The following VAT1 variants were observed in gnomAD, a reference collection of about 807,000 sequenced individuals.
VAT1 encodes the protein vesicle amine transport 1.
In VAT1, 24 loss-of-function variants were observed where a neutral mutation model predicts 33.3. The ratio of observed to expected loss-of-function variants is 0.72; its 90% confidence interval spans 0.52 to 1.01. VAT1 has a LOEUF of 1.01. Ranked by LOEUF, VAT1 falls within the 50% of genes least tolerant of loss-of-function variation. The pLI is 0.00. For missense variants in VAT1, 436 were observed against 533.7 expected (o/e 0.82, Z 1.80); for synonymous variants, 212 against 225.0 (o/e 0.94, Z 0.52).
In VAT1 at chr17:43,015,988, G is replaced by A; in HGVS notation, c.*73C>T. On this transcript the variant is annotated 3_prime_UTR_variant, in exon 6 of 6. Transcript: ENST00000355653. ...CATTATGACAGAGGCTGAAATGCAA[G>A]TCTGGTGGCCAACAGAACGTAGCTT... 2 of 1,539,748 alleles carry A rather than the reference G, an allele frequency of 1.3e-6. No homozygotes were observed. The highest frequency in any genetic ancestry group is 1.8e-6 in the Non-Finnish European group (2 of 1,117,566).
intron 1 of VAT1, 131 bp downstream of exon 1, chr17:43,021,805 C>A (rs942434022): frequency 6.9e-7 from 1 of 1,453,388 alleles, no homozygotes; most frequent in African/African-American, 1.4e-5. Flanking sequence ...TCCTTGGCTA[C>A]GCTTTCCACG....
Position 43,018,100 on chromosome 17 carries a change from GA to G in VAT1, c.701del (p.Val234AlafsTer43). 1 of 1,614,086 alleles carries G rather than the reference GA, an allele frequency of 6.2e-7. No individual in the cohort carries two copies. Among genetic ancestry groups the G allele is most frequent in the Non-Finnish European group, 8.5e-7 (1 of 1,180,032 alleles). On this transcript the variant is annotated frameshift_variant, in exon 3 of 6. Coordinates refer to ENST00000355653, the MANE Select transcript of VAT1 (RefSeq NM_006373.4). LOFTEE classifies it high-confidence loss of function. ...TCGTGTGATAGTCGATGGGATGTGTGACCCCATTCTCCTTCAGTGCCTCGTG... is the reference window on the plus strand; with the variant it reads ...TCGTGTGATAGTCGATGGGATGTGTGCCCCATTCTCCTTCAGTGCCTCGTG... The part of the protein sequence containing the change: ...SKHEALKENG[V>X]THPIDYHTTD...
intron 1 of VAT1, among the ~76,000 whole-genome samples, chr17:43,021,232 G>A (rs1054672305): frequency 1.4e-4 from 21 of 152,236 alleles, no homozygotes; most frequent in African/African-American, 4.6e-4. Flanking sequence ...AGTCACAGGA[G>A]GAGGAGATAC....
In VAT1 at chr17:43,018,724, A is replaced by C; in HGVS notation, c.463T>G (p.Phe155Val). ...AAGGTCATGGCCTCAGGAATCAGGA[A>C]GGTCTGGACCGAGGGCACAGTCACC... ...EEVTVPSVQT[F>V]LIPEAMTFEE... Residue 155 changes from phenylalanine (F) to valine (V), a missense_variant, in exon 2 of 6, where the codon TTC becomes GTC. Phe to Val is a conservative substitution (Grantham distance 50, BLOSUM62 -1). This residue lies in a region of VAT1 where 282 missense variants were observed against 405.4 expected (regional missense o/e 0.70). Coordinates refer to ENST00000355653, the MANE Select transcript of VAT1 (RefSeq NM_006373.4). The C allele has an allele frequency of 6.2e-7, 1 of 1,614,126 alleles. No individual in the cohort carries two copies.
chr17:43,016,636 T>C, intron 4 of VAT1, 88 bp from the exon 5 acceptor site: 1 of 1,539,996 alleles, frequency 6.5e-7, no homozygotes, highest in South Asian at 1.2e-5. Context: ...TGTGATCCCC[T>C]TGCAATTCTC....
intron 1 of VAT1, among the ~76,000 whole-genome samples, chr17:43,019,889 TG>T (rs2050552312): frequency 6.6e-6 from 1 of 152,066 alleles, no homozygotes; most frequent in Non-Finnish European, 1.5e-5. Flanking sequence ...GGAAGGGGGA[TG>T]GGACTGCCAC....
Position 43,018,033 on chromosome 17 carries a change from C to T in VAT1, c.766+3G>A, listed in dbSNP as rs758537390. The T allele has an allele frequency of 8.5e-5, 137 of 1,613,134 alleles. No homozygotes were observed. The highest frequency in any genetic ancestry group is 5.9e-5 in the Non-Finnish European group (70 of 1,179,260). ...CTACCCCCTCCCATATTATGCCCCC[C>T]ACCTTTAGGGGAAATCTTCTTGATC... On this transcript the variant is annotated splice_donor_region_variant and intron_variant, in intron 3 of 5. Transcript: ENST00000355653.
At chr17:43,021,896 G>T (rs780318882) in intron 1 of VAT1, 40 bp downstream of exon 1, 1 of 1,606,060 alleles carries the variant, frequency 6.2e-7, no homozygotes, top group Non-Finnish European at 8.5e-7. Flanking sequence ...ACTGCCCAGT[G>T]GCCTGCGCAG....
rs2050542173 is a variant in VAT1 at position 43,018,770 on chromosome 17, C to T, written c.417G>A (p.Arg139=). Residue 139 remains arginine (R), a synonymous_variant, in exon 2 of 6, where the codon CGG becomes CGA. Coordinates refer to ENST00000355653, the MANE Select transcript of VAT1 (RefSeq NM_006373.4). The part of the protein sequence containing the change: ...KAGDRVMVLN[R]SGMWQEEVTV... ...TCACCTCTTCCTGCCACATCCCTGA[C>T]CGGTTCAACACCATCACCCGGTCTC... 5 of 1,614,030 alleles carry T rather than the reference C, an allele frequency of 3.1e-6. No individual in the cohort carries two copies. Among genetic ancestry groups the T allele is most frequent in the Admixed American group, 3.3e-5 (2 of 59,998 alleles).
rs1373318418 is a variant in VAT1 at position 43,018,637 on chromosome 17, C to T, written c.550G>A (p.Gly184Ser). 5 of 1,613,978 alleles carry T rather than the reference C, an allele frequency of 3.1e-6. No individual in the cohort carries two copies. The highest frequency in any genetic ancestry group is 2.2e-5 in the East Asian group (1 of 44,870). Residue 184 changes from glycine (G) to serine (S), a missense_variant, in exon 2 of 6, where the codon GGC becomes AGC. This residue lies in a region of VAT1 where 282 missense variants were observed against 405.4 expected (regional missense o/e 0.70). Transcript: ENST00000355653. ...ITAYMVLFDF[G>S]NLQPGHSVLV... is the part of the protein sequence containing the mutation. The stretch of plus-strand genomic sequence containing the variant: ...ACGCTGTGGCCAGGCTGTAGGTTGC[C>T]GAAGTCAAAGAGGACCATGTAGGCT...
chr17:43,018,447 G>T, intron 2 of VAT1, 145 bp downstream of exon 2: 1 of 1,022,168 alleles, frequency 9.8e-7, no homozygotes, highest in Non-Finnish European at 1.4e-6. Flanking sequence ...ATGTTACCAC[G>T]GCAACTACAC....
In VAT1 at chr17:43,016,097, C is replaced by T. The variant is rs773845836; in HGVS notation, c.1146G>A (p.Lys382=). 1.9e-6 allele frequency: 3 copies of T among 1,614,064 alleles called. No homozygotes were observed. Among genetic ancestry groups the T allele is most frequent in the Non-Finnish European group, 2.5e-6 (3 of 1,180,032 alleles). Residue 382 remains lysine (K), a synonymous_variant, in exon 6 of 6, where the codon AAG becomes AAA. Transcript: ENST00000355653. ...TCTCTGGCCCTGGAACCAGGAGGAC[C>T]TTGCCCACATTCTTCTTCTCCTGCA... ...KQMQEKKNVG[K]VLLVPGPEKE...
chr17:43,019,078 A>ATCT (rs1171086484), intron 1 of VAT1: 29 of 469,530 alleles, frequency 6.2e-5, no homozygotes, highest in East Asian at 4.3e-4. Flanking sequence ...TATCCTTATC[A>ATCT]TCTTCTTACA....
At chr17:43,017,582 CAAAAAAAAAAAA>C (rs55979457) in intron 4 of VAT1, among the ~76,000 whole-genome samples, 1 of 66,464 alleles carries the variant, frequency 1.5e-5, no homozygotes, top group East Asian at 4.2e-4. Flanking sequence ...AACTCCATCT[CAAAAAAAAAAAA>C]AAAAAAAAAA....
chr17:43,022,234 T>G lies in VAT1; in HGVS notation c.89A>C (p.Gln30Pro). Residue 30 changes from glutamine to proline, a missense_variant, in exon 1 of 6, where the codon CAG (glutamine) becomes CCG (proline). This residue lies in a region of VAT1 where 154 missense variants were observed against 128.3 expected (regional missense o/e 1.20). Coordinates refer to ENST00000355653, the MANE Select transcript of VAT1 (RefSeq NM_006373.4). ...GGCCCCTTCGGAGGCCGCGGGATGCTGGGGGTCGCTCGCTGCCTCGGTTTT... is the reference window on the plus strand; with the variant it reads ...GGCCCCTTCGGAGGCCGCGGGATGCGGGGGGTCGCTCGCTGCCTCGGTTTT... ...PPKTEAASDP[Q>P]HPAASEGAAA... 1 of 1,575,354 alleles carries G rather than the reference T, an allele frequency of 6.3e-7. No homozygotes were observed. Among genetic ancestry groups the G allele is most frequent in the Non-Finnish European group, 8.6e-7 (1 of 1,161,004 alleles).
At chr17:43,018,252 CA>C (rs1240787386) in intron 2 of VAT1, 46 bp from the exon 3 acceptor site, 38 of 1,575,646 alleles carry the variant, frequency 2.4e-5, no homozygotes, top group African/African-American at 4.0e-5. Context: ...TTGCCCTGGC[CA>C]CCAACCACTC....
chr17:43,019,229 G>A (rs1325109231), intron 1 of VAT1, among the ~76,000 whole-genome samples: 1 of 152,048 alleles, frequency 6.6e-6, no homozygotes, highest in Non-Finnish European at 1.5e-5. Flanking sequence ...GACTTCGGAT[G>A]CATAAAAATT....
rs1052488545 is a variant in VAT1 at position 43,015,519 on chromosome 17, A to G, written c.*542T>C. The G allele has an allele frequency of 5.7e-5, 9 of 157,518 alleles. No homozygotes were observed. Among genetic ancestry groups the G allele is most frequent in the Non-Finnish European group, 8.4e-5 (6 of 71,032 alleles). The allele number at this position is 157,518 out of a possible 1,614,324, so 9.8% of individuals were successfully genotyped here. ...AAAACCTGGAGATGGAAGAAGCCCA[A>G]TTGTGCTTAAGAAGTTGGGGACAGA... On this transcript the variant is annotated 3_prime_UTR_variant, in exon 6 of 6. Transcript: ENST00000355653.
In VAT1 at chr17:43,017,899, C is replaced by A; in HGVS notation, c.798G>T (p.Gly266=). 1 of 1,614,190 alleles carries A rather than the reference C, an allele frequency of 6.2e-7. No homozygotes were observed. Among genetic ancestry groups the A allele is most frequent in the Non-Finnish European group, 8.5e-7 (1 of 1,180,036 alleles). The part of the protein sequence containing the change: ...GVDIVMDPLG[G]SDTAKGYNLL... ...GGTTGTAGCCCTTGGCAGTATCTGA[C>A]CCACCCAGAGGGTCCATGACAATGT... Residue 266 remains glycine (G), a synonymous_variant, in exon 4 of 6, where the codon GGG becomes GGT. Transcript: ENST00000355653.
Sources: gnomAD v4.1 joint callset for allele counts (sites outside exome capture counted in the v4.1 genomes callset) on GRCh38, gnomAD v4.1.1 for gene constraint, gnomAD v4.1.1 regional missense constraint, MANE v1.5 for transcripts, NCBI Gene and HGNC (gene_info 2026-07-23, HGNC 2026-07-21) for gene names.